Variants in TNFSF13B observed in about 807,000 individuals in gnomAD.
The protein encoded by TNFSF13B is tumor necrosis factor ligand superfamily member 13B.
TNFSF13B carries 8 observed loss-of-function variants against 29.1 expected under a neutral mutation model. The ratio of observed to expected loss-of-function variants is 0.27; its 90% confidence interval spans 0.16 to 0.50. TNFSF13B has a LOEUF of 0.50. TNFSF13B is among the 20% of genes least tolerant of loss of function. TNFSF13B has a pLI of 0.98. For missense variants in TNFSF13B, 248 were observed against 334.9 expected (o/e 0.74, Z 2.03); for synonymous variants, 125 against 130.8 (o/e 0.96, Z 0.30).
chr13:108,305,123 T>C (rs913136696), intron 5 of TNFSF13B, among the ~76,000 whole-genome samples: 2 of 152,160 alleles, frequency 1.3e-5, no homozygotes, highest in African/African-American at 4.8e-5. Flanking sequence ...TTTAAAAATA[T>C]TTTTCATTAC....
chr13:108,301,857 A>G (rs1242324369), intron 3 of TNFSF13B, among the ~76,000 whole-genome samples: 1 of 152,228 alleles, frequency 6.6e-6, no homozygotes, highest in Non-Finnish European at 1.5e-5. Flanking sequence ...CAGTCATTGC[A>G]CAATGCCTAT....
chr13:108,269,665 A>G (rs112800208), upstream of TNFSF13B: 2 of 468,088 alleles, frequency 4.3e-6, no homozygotes. Context: ...AATGAGGAAG[A>G]CAGATTGAGC....
intron 2 of TNFSF13B, among the ~76,000 whole-genome samples, chr13:108,281,732 T>C (rs1429477135): frequency 6.6e-6 from 1 of 152,200 alleles, no homozygotes; most frequent in Non-Finnish European, 1.5e-5. Flanking sequence ...TTCTCGACTT[T>C]TATTACTTTT....
intron 5 of TNFSF13B, among the ~76,000 whole-genome samples, chr13:108,304,442 C>G (rs1370188467): frequency 6.6e-6 from 1 of 152,150 alleles, no homozygotes; most frequent in African/African-American, 2.4e-5. Context: ...CCTTTGCACC[C>G]AGGAGCAGTG....
chr13:108,284,820 G>T (rs7337914), intron 2 of TNFSF13B, among the ~76,000 whole-genome samples: 7,824 of 152,182 alleles, frequency 0.051, 439 homozygotes, highest in African/African-American at 0.13. Flanking sequence ...AGAAGGATTT[G>T]TTGGAAAAAT....
Position 108,298,864 on chromosome 13 carries a change from G to A in TNFSF13B, c.482-4389G>A, listed in dbSNP as rs966388305. On this transcript the variant is annotated intron_variant, in intron 3 of 5. Coordinates refer to ENST00000375887, the MANE Select transcript of TNFSF13B (RefSeq NM_006573.5). Reference sequence around the variant, plus strand: ...CACTTGCCTGTAGTCGCAGCTACTCGGGAGGCTGAGGCAGGAGAATCACTC... The same window carrying A: ...CACTTGCCTGTAGTCGCAGCTACTCAGGAGGCTGAGGCAGGAGAATCACTC... Among the ~76,000 whole-genome samples the A allele has an allele frequency of 6.2e-5, 9 of 145,176 alleles. 3 individuals are homozygous for A. The highest frequency in any genetic ancestry group is 2.1e-4 in the South Asian group (1 of 4,678).
At chr13:108,294,372 G>A (rs1881408831) in intron 3 of TNFSF13B, among the ~76,000 whole-genome samples, 1 of 151,856 alleles carries the variant, frequency 6.6e-6, no homozygotes, top group South Asian at 2.1e-4. Flanking sequence ...TAGAAACAGG[G>A]TTTCACCATG....
chr13:108,304,971 T>C (rs992330833), intron 5 of TNFSF13B, among the ~76,000 whole-genome samples: 1 of 152,208 alleles, frequency 6.6e-6, no homozygotes, highest in African/African-American at 2.4e-5. Flanking sequence ...GTTATTTATT[T>C]ATATTTATTA....
chr13:108,273,957 G>T (rs2139040771), intron 2 of TNFSF13B, among the ~76,000 whole-genome samples: 1 of 152,062 alleles, frequency 6.6e-6, no homozygotes, highest in Admixed American at 6.5e-5. Context: ...CTCCCCCTTA[G>T]CTTACTCAAT....
chr13:108,292,538 C>A (rs907540234), intron 3 of TNFSF13B, among the ~76,000 whole-genome samples: 11 of 152,180 alleles, frequency 7.2e-5, no homozygotes, highest in Admixed American at 3.9e-4. Context: ...AACATTTTGC[C>A]TTCCCCCCAG....
At chr13:108,293,198 G>A (rs1029822127) in intron 3 of TNFSF13B, among the ~76,000 whole-genome samples, 2 of 151,984 alleles carry the variant, frequency 1.3e-5, no homozygotes, top group African/African-American at 4.8e-5. Flanking sequence ...ACATTGAACG[G>A]TCTTGGCACA....
rs1023488512 is a variant in TNFSF13B, at chr13:108,269,765, C to T, written c.-131C>T. On this transcript the variant is annotated 5_prime_UTR_variant, in exon 1 of 6. Transcript: ENST00000375887. Reference sequence around the variant, plus strand: ...AGAAAGGAGAAAATTCAGGATAACTCTCCTGAGGGGTGAGCCAAGCCCTGC... The same window carrying T: ...AGAAAGGAGAAAATTCAGGATAACTTTCCTGAGGGGTGAGCCAAGCCCTGC... The T allele has an allele frequency of 8.4e-6, 7 of 830,092 alleles. No individual in the cohort carries two copies. The highest frequency in any genetic ancestry group is 3.4e-5 in the African/African-American group (2 of 58,604). The allele number at this position is 830,092 out of a possible 1,614,324, so 51.4% of individuals were successfully genotyped here. A position where few individuals can be genotyped will look rare whatever the true frequency, so the allele number is the denominator to read the frequency against.
chr13:108,290,945 C>T (rs1160504368), intron 3 of TNFSF13B, among the ~76,000 whole-genome samples: 1 of 151,818 alleles, frequency 6.6e-6, no homozygotes, highest in Non-Finnish European at 1.5e-5. Flanking sequence ...AGGTATGAAA[C>T]CAACTTAATT....
chr13:108,278,755 G>A (rs1880848682), intron 2 of TNFSF13B, among the ~76,000 whole-genome samples: 1 of 66,750 alleles, frequency 1.5e-5, no homozygotes, highest in Non-Finnish European at 3.1e-5. Flanking sequence ...TTTGAGACAG[G>A]GAAGGGTAAG....
chr13:108,286,806 C>G lies in TNFSF13B; in HGVS notation c.428C>G (p.Thr143Ser). 2 of 1,568,394 alleles carry G rather than the reference C, an allele frequency of 1.3e-6. No individual in the cohort carries two copies. Among genetic ancestry groups the G allele is most frequent in the Non-Finnish European group, 1.7e-6 (2 of 1,151,918 alleles). The change falls in exon 3 of 6, where the codon ACT becomes AGT. Residue 143 changes from threonine to serine, a missense_variant. Around this residue, in one of 2 missense-constraint regions of TNFSF13B, gnomAD observed 186 missense variants for 196.3 expected, o/e 0.95. Coordinates refer to ENST00000375887, the MANE Select transcript of TNFSF13B (RefSeq NM_006573.5). ...RAVQGPEETVTQDCLQLIADS... is the reference protein window; with the variant it reads ...RAVQGPEETVSQDCLQLIADS... The stretch of plus-strand genomic sequence containing the variant: ...ATGATAAATTTTTGCTTTTTAGTCA[C>G]TCAAGACTGCTTGCAACTGATTGCA...
intron 3 of TNFSF13B, among the ~76,000 whole-genome samples, chr13:108,297,255 A>G (rs1462466956): frequency 6.9e-6 from 1 of 145,894 alleles, no homozygotes; most frequent in African/African-American, 2.6e-5. Context: ...TCAGTACTTT[A>G]AATATGTAAT....
intron 2 of TNFSF13B, among the ~76,000 whole-genome samples, chr13:108,273,994 T>C (rs1422891472): frequency 6.6e-6 from 1 of 152,196 alleles, no homozygotes; most frequent in Non-Finnish European, 1.5e-5. Context: ...TCTATAATGA[T>C]CCACTTCCAC....
chr13:108,290,330 G>A (rs946138593), intron 3 of TNFSF13B, among the ~76,000 whole-genome samples: 1 of 152,080 alleles, frequency 6.6e-6, no homozygotes, highest in African/African-American at 2.4e-5. Context: ...CAATGCAGGT[G>A]CTTCGAAAAA....
At chr13:108,292,423 A>G (rs147655715) in intron 3 of TNFSF13B, among the ~76,000 whole-genome samples, 22 of 152,246 alleles carry the variant, frequency 1.4e-4, no homozygotes, top group Middle Eastern at 6.8e-3. Context: ...GAACATTTGC[A>G]TAAAGTACTT....
Sources: gnomAD v4.1 joint callset for allele counts (sites outside exome capture counted in the v4.1 genomes callset) on GRCh38, gnomAD v4.1.1 for gene constraint, gnomAD v4.1.1 regional missense constraint, MANE v1.5 for transcripts, NCBI Gene and HGNC (gene_info 2026-07-23, HGNC 2026-07-21) for gene names.